Variants in COMMD9 observed in about 807,000 individuals in gnomAD.
COMMD9 encodes COMM domain containing 9.
In COMMD9, 22 loss-of-function variants were observed where a neutral mutation model predicts 23.4. That is an observed-to-expected ratio of 0.94 (90% CI 0.67 to 1.34). The LOEUF is 1.34. COMMD9 is among the 40% of genes most tolerant of loss of function. COMMD9 has a pLI of 0.00. For synonymous variants in COMMD9, 99 were observed against 97.4 expected, an observed-to-expected ratio of 1.02 and a Z score of -0.10; for missense variants, 231 against 240.2, an observed-to-expected ratio of 0.96 and a Z score of 0.25.
Position 36,274,766 on chromosome 11 carries a change from C to T in COMMD9, c.463G>A (p.Glu155Lys). 6 of 1,614,254 alleles carry T rather than the reference C, an allele frequency of 3.7e-6. No individual in the cohort carries two copies. Among genetic ancestry groups the T allele is most frequent in the Non-Finnish European group, 5.1e-6 (6 of 1,180,036 alleles). The change falls in exon 6 of 6, where the codon GAA (glutamate) becomes AAA (lysine). Residue 155 changes from glutamate to lysine, a missense_variant. Glu to Lys is a moderately conservative substitution (Grantham distance 56). Coordinates refer to ENST00000263401, the MANE Select transcript of COMMD9 (RefSeq NM_014186.4). The part of the protein sequence containing the change: ...PTCLLQMKIQ[E>K]DPSLCGDKPS... ...TTGTCTCCGCATAGGCTGGGATCTT[C>T]TTGGATCTGAAACGAGAACACAGCC...
chr11:36,284,019 T>C (rs535422275), intron 1 of COMMD9, among the ~76,000 whole-genome samples: 2 of 152,136 alleles, frequency 1.3e-5, no homozygotes, highest in South Asian at 4.2e-4. Flanking sequence ...GGCGGGAAGA[T>C]TGCTTAAGCC....
At chr11:36,280,567 C>G in intron 2 of COMMD9, 145 bp downstream of exon 2, 1 of 728,086 alleles carries the variant, frequency 1.4e-6, no homozygotes, top group East Asian at 2.7e-5. Context: ...GTACAGTTCT[C>G]CCATTCATGT....
intron 2 of COMMD9, among the ~76,000 whole-genome samples, chr11:36,280,503 C>A (rs572192222): frequency 2.0e-5 from 3 of 152,196 alleles, no homozygotes; most frequent in Non-Finnish European, 2.9e-5. Flanking sequence ...GCTTTTGTTC[C>A]ACATTGTCTA....
At chr11:36,287,086 A>G (rs12285892) in intron 1 of COMMD9, among the ~76,000 whole-genome samples, 2,468 of 128,938 alleles carry the variant, frequency 0.019, 488 homozygotes, top group African/African-American at 0.031. Flanking sequence ...TAGTATGTAT[A>G]CTACATACTA....
intron 1 of COMMD9, among the ~76,000 whole-genome samples, chr11:36,283,282 G>A (rs1395549300): frequency 6.6e-6 from 1 of 152,164 alleles, no homozygotes; most frequent in Non-Finnish European, 1.5e-5. Context: ...ACAGAACAGG[G>A]CAAACAAAAA....
At chr11:36,282,731 G>A (rs12275072) in intron 1 of COMMD9, among the ~76,000 whole-genome samples, 10,810 of 152,268 alleles carry the variant, frequency 0.071, 436 homozygotes, top group South Asian at 0.1. Flanking sequence ...CCAGAGAGAC[G>A]AAACCAACAG....
chr11:36,287,754 G>T (rs1223481561), intron 1 of COMMD9, among the ~76,000 whole-genome samples: 1 of 151,978 alleles, frequency 6.6e-6, no homozygotes, highest in Admixed American at 6.6e-5. Flanking sequence ...GTTCAAACAT[G>T]GGCAATATTA....
chr11:36,279,000 A>C (rs1590399669), intron 2 of COMMD9, among the ~76,000 whole-genome samples: 1 of 152,162 alleles, frequency 6.6e-6, no homozygotes, highest in East Asian at 1.9e-4. Flanking sequence ...ACTAAGCAAC[A>C]CTGCATTGGT....
chr11:36,277,013 T>C, intron 4 of COMMD9, 76 bp downstream of exon 4: 1 of 1,336,678 alleles, frequency 7.5e-7, no homozygotes, highest in South Asian at 1.4e-5. Flanking sequence ...TGCCAAAATC[T>C]CTGATCACTT....
At chr11:36,286,420 AAGAAAGAAAGAAAG>A (rs1856157835) in intron 1 of COMMD9, among the ~76,000 whole-genome samples, 2 of 47,560 alleles carry the variant, frequency 4.2e-5, no homozygotes, top group Non-Finnish European at 9.9e-5. Flanking sequence ...AAAAGAAAGA[AAGAAAGAAAGAAAG>A]AAAAGAAAAA....
chr11:36,276,321 A>C, intron 4 of COMMD9, 81 bp from the exon 5 acceptor site: 1 of 931,878 alleles, frequency 1.1e-6, no homozygotes, highest in Non-Finnish European at 1.8e-6. Flanking sequence ...GGCTCTGAGG[A>C]CTGCACACAT....
chr11:36,272,727 C>T lies in COMMD9; in HGVS notation c.*1905G>A, dbSNP rs553951619. The T allele has an allele frequency of 5.3e-5, 8 of 152,312 alleles. No homozygotes were observed. The East Asian group carries it at 7.7e-4, about 15-fold the overall frequency. The allele number at this position is 152,312 out of a possible 1,614,324, so 9.4% of individuals were successfully genotyped here. A position where few individuals can be genotyped will look rare whatever the true frequency, so the allele number is the denominator to read the frequency against. On this transcript the variant is annotated 3_prime_UTR_variant, in exon 6 of 6. Coordinates refer to ENST00000263401, the MANE Select transcript of COMMD9 (RefSeq NM_014186.4). Reference sequence around the variant, plus strand: ...CCTCGTATCTCACTGGGTAGGCAGACGTAAGATCTCTCATCTCTACTTCAG... The same window carrying T: ...CCTCGTATCTCACTGGGTAGGCAGATGTAAGATCTCTCATCTCTACTTCAG...
In COMMD9 at chr11:36,274,170, C is replaced by A. The variant is rs1254293460; in HGVS notation, c.*462G>T. ...TGCTCTGTGGGCTCTGCCTGGCTTC[C>A]CTGACAGAGGAGCAGGAACTGCTGG... is the stretch of plus-strand genomic sequence containing the variant. On this transcript the variant is annotated 3_prime_UTR_variant, in exon 6 of 6. Coordinates refer to ENST00000263401, the MANE Select transcript of COMMD9 (RefSeq NM_014186.4). 1 of 435,504 alleles carries A rather than the reference C, an allele frequency of 2.3e-6. No homozygotes were observed. Among genetic ancestry groups the A allele is most frequent in the Non-Finnish European group, 4.7e-6 (1 of 215,018 alleles). 27.0% of individuals were successfully genotyped at this position (435,504 alleles called of 1,614,324 possible). A position where few individuals can be genotyped will look rare whatever the true frequency, so the allele number is the denominator to read the frequency against.
chr11:36,284,207 T>C (rs1311485211), intron 1 of COMMD9, among the ~76,000 whole-genome samples: 2 of 152,116 alleles, frequency 1.3e-5, no homozygotes, highest in Non-Finnish European at 2.9e-5. Context: ...AGATATATTA[T>C]GCAAACATTA....
chr11:36,273,756 A>C lies in COMMD9; in HGVS notation c.*876T>G, dbSNP rs1447834710. 2 of 153,882 alleles carry C rather than the reference A, an allele frequency of 1.3e-5. No homozygotes were observed. The highest frequency in any genetic ancestry group is 1.3e-4 in the Admixed American group (2 of 15,576). The allele number at this position is 153,882 out of a possible 1,614,324, so 9.5% of individuals were successfully genotyped here. On this transcript the variant is annotated 3_prime_UTR_variant, in exon 6 of 6. Transcript: ENST00000263401. ...AGTGCTGGGATTACAGGCGTGAGCC[A>C]TTGCGCCTGGCCACCTTGCTTCCTT...
rs1335451297 is a variant in COMMD9, at chr11:36,273,434, C to G, written c.*1198G>C. On this transcript the variant is annotated 3_prime_UTR_variant, in exon 6 of 6. Coordinates refer to ENST00000263401, the MANE Select transcript of COMMD9 (RefSeq NM_014186.4). The stretch of plus-strand genomic sequence containing the variant: ...GTTAAACTCGAAGGAGTGCCTTCAT[C>G]ATAGCTCTTGTAACAAGCACATACT... 1 of 152,216 alleles carries G rather than the reference C, an allele frequency of 6.6e-6. No individual in the cohort carries two copies. The highest frequency in any genetic ancestry group is 1.5e-5 in the Non-Finnish European group (1 of 68,036). 9.4% of individuals were successfully genotyped at this position (152,216 alleles called of 1,614,324 possible). A position where few individuals can be genotyped will look rare whatever the true frequency, so the allele number is the denominator to read the frequency against.
intron 4 of COMMD9, 72 bp from the exon 5 acceptor site, chr11:36,276,312 G>T: frequency 9.3e-7 from 1 of 1,078,668 alleles, no homozygotes; most frequent in Non-Finnish European, 1.4e-6. Context: ...ACGACAGGCG[G>T]CTCTGAGGAC....
At chr11:36,279,229 A>C (rs1856026110) in intron 2 of COMMD9, among the ~76,000 whole-genome samples, 1 of 152,226 alleles carries the variant, frequency 6.6e-6, no homozygotes, top group South Asian at 2.1e-4. Flanking sequence ...AAAGAGAACA[A>C]ACAGCTCCTG....
chr11:36,284,015 A>C (rs1011040998), intron 1 of COMMD9, among the ~76,000 whole-genome samples: 1 of 152,090 alleles, frequency 6.6e-6, no homozygotes, highest in Non-Finnish European at 1.5e-5. Context: ...CTGAGGCGGG[A>C]AGATTGCTTA....
Sources: allele counts gnomAD v4.1 joint callset (sites outside exome capture counted in the v4.1 genomes callset), GRCh38; gene constraint gnomAD v4.1.1; transcripts MANE v1.5; gene names NCBI Gene and HGNC (gene_info 2026-07-23, HGNC 2026-07-21).